IRS1: variants seen among roughly 807,000 people sequenced by gnomAD.
The protein encoded by IRS1 is insulin receptor substrate 1.
IRS1 carries 34 observed loss-of-function variants against 65.6 expected under a neutral mutation model. The observed-to-expected ratio is 0.52, with a 90% CI of 0.39 to 0.69. IRS1 has a LOEUF of 0.69. Ranked by LOEUF, IRS1 falls within the 30% of genes least tolerant of loss-of-function variation. The pLI is 0.00. For synonymous variants in IRS1, 699 were observed against 683.5 expected (o/e 1.02, Z -0.35); for missense variants, 1,641 against 1,720.2 (o/e 0.95, Z 0.81).
Position 226,790,904 on chromosome 2 carries a change from G to A in IRS1, c.*21+4085C>T, listed in dbSNP as rs76692974. ...TCGATGTGCCCAGCCTAAATTGACG[G>A]GCTGTCACTGGGACTGTCAATGATG... On this transcript the variant is annotated intron_variant, in intron 1 of 1. Transcript: ENST00000305123. 3.8e-3 allele frequency among the ~76,000 whole-genome samples: 584 copies of A among 152,200 alleles called. 4 individuals carry two copies. Among genetic ancestry groups the A allele is most frequent in the African/African-American group, 0.013 (557 of 41,520 alleles).
intron 1 of IRS1, among the ~76,000 whole-genome samples, chr2:226,757,069 C>T (rs979083268): frequency 1.3e-5 from 2 of 152,192 alleles, no homozygotes; most frequent in Admixed American, 6.5e-5. Context: ...TGCTTATGTG[C>T]TTGCTTCCAA....
chr2:226,777,428 C>T (rs1939295832), intron 1 of IRS1, among the ~76,000 whole-genome samples: 1 of 152,118 alleles, frequency 6.6e-6, no homozygotes, highest in African/African-American at 2.4e-5. Context: ...ATTTAAAGTT[C>T]CTTACCACTT....
rs1363149602 is a variant in IRS1 at position 226,743,177 on chromosome 2, A to C, written c.*22-6927T>G. On this transcript the variant is annotated intron_variant, in intron 1 of 1. Transcript: ENST00000305123. ...GGACTTAGGAAAAAAAAACAAAAAA[A>C]AAAAGTCCCTCTTCATTTCAAGTCA... Among the ~76,000 whole-genome samples the C allele has an allele frequency of 2.6e-5, 4 of 152,152 alleles. No homozygotes were observed. The East Asian group carries it at 7.7e-4, about 29-fold the overall frequency.
chr2:226,757,874 A>C (rs1938836985), intron 1 of IRS1, among the ~76,000 whole-genome samples: 1 of 152,266 alleles, frequency 6.6e-6, no homozygotes, highest in South Asian at 2.1e-4. Context: ...CATATTTTAG[A>C]ATAGAAAAGT....
At chr2:226,790,643 G>C (rs1167731991) in intron 1 of IRS1, among the ~76,000 whole-genome samples, 1 of 152,180 alleles carries the variant, frequency 6.6e-6, no homozygotes, top group Non-Finnish European at 1.5e-5. Flanking sequence ...CTCAGAAAAA[G>C]CGCTGCCCTG....
At chr2:226,744,416 C>T (rs775386607) in intron 1 of IRS1, among the ~76,000 whole-genome samples, 3 of 152,134 alleles carry the variant, frequency 2.0e-5, no homozygotes, top group Non-Finnish European at 4.4e-5. Flanking sequence ...AATGCCACTC[C>T]CAATAGTTTC....
chr2:226,791,552 G>A (rs911920627), intron 1 of IRS1, among the ~76,000 whole-genome samples: 2 of 152,288 alleles, frequency 1.3e-5, no homozygotes, highest in East Asian at 1.9e-4. Context: ...CGGCGGGCGC[G>A]GTGCAGAGGG....
chr2:226,769,164 A>T (rs554105751), intron 1 of IRS1, among the ~76,000 whole-genome samples: 5 of 152,318 alleles, frequency 3.3e-5, no homozygotes, highest in Admixed American at 1.3e-4. Context: ...TCCCACTATC[A>T]CCGAATCACT....
chr2:226,799,127 T>G lies in IRS1; in HGVS notation c.-389A>C. 8.6e-7 allele frequency: 1 copy of G among 1,157,706 alleles called. No individual in the cohort carries two copies. The allele number at this position is 1,157,706 out of a possible 1,614,324, so 71.7% of individuals were successfully genotyped here. A position where few individuals can be genotyped will look rare whatever the true frequency, so the allele number is the denominator to read the frequency against. On this transcript the variant is annotated 5_prime_UTR_variant, in exon 1 of 2. Transcript: ENST00000305123. The surrounding 1 kb of genome is among the most constrained non-coding windows in gnomAD (Gnocchi z 6.1). ...AGGCGACAGTCGGGGGTCCCTGCGG[T>G]GCCCCTCCAGGAGCGCGCGCGCGCG... is the stretch of plus-strand genomic sequence containing the variant.
chr2:226,796,219 A>T lies in IRS1; in HGVS notation c.2520T>A (p.His840Gln), dbSNP rs758369265. The T allele has an allele frequency of 6.2e-7, 1 of 1,613,208 alleles. No homozygotes were observed. The highest frequency in any genetic ancestry group is 1.3e-5 in the African/African-American group (1 of 74,904). ...CAGCTGTGTCCACCTTTCGAGGCAG[A>T]TGGGGCTGCAGAACCTGATGGTGGG... ...PHPHHQVLQP[H>Q]LPRKVDTAAQ... is the part of the protein sequence containing the mutation. Residue 840 changes from histidine (H) to glutamine (Q), a missense_variant, in exon 1 of 2, where the codon CAT becomes CAA. Physicochemically the swap from His to Gln is conservative, Grantham distance 24. Coordinates refer to ENST00000305123, the MANE Select transcript of IRS1 (RefSeq NM_005544.3).
chr2:226,745,457 A>C (rs1938521977), intron 1 of IRS1, among the ~76,000 whole-genome samples: 2 of 152,228 alleles, frequency 1.3e-5, no homozygotes. Flanking sequence ...ATTTTGTTTA[A>C]GTCAAAACTT....
intron 1 of IRS1, among the ~76,000 whole-genome samples, chr2:226,757,680 A>C (rs1390356910): frequency 1.3e-5 from 2 of 152,220 alleles, no homozygotes; most frequent in African/African-American, 2.4e-5. Flanking sequence ...CTACACTTAT[A>C]ATCTGAAAAT....
intron 1 of IRS1, among the ~76,000 whole-genome samples, chr2:226,765,457 C>G (rs528676343): frequency 6.6e-6 from 1 of 152,272 alleles, no homozygotes; most frequent in Admixed American, 6.5e-5. Flanking sequence ...CACATAAGGG[C>G]CAGGAAGACT....
intron 1 of IRS1, among the ~76,000 whole-genome samples, chr2:226,757,576 A>G (rs1938830797): frequency 6.6e-6 from 1 of 152,110 alleles, no homozygotes; most frequent in South Asian, 2.1e-4. Context: ...GGAAAGAAAT[A>G]GAGTCTTGTG....
intron 1 of IRS1, among the ~76,000 whole-genome samples, chr2:226,747,507 G>T (rs924883491): frequency 2.6e-5 from 4 of 152,124 alleles, no homozygotes; most frequent in African/African-American, 9.7e-5. Context: ...GTGGTGCCTT[G>T]TTCTTGGACT....
At chr2:226,754,875 G>T (rs1938763800) in intron 1 of IRS1, among the ~76,000 whole-genome samples, 1 of 151,930 alleles carries the variant, frequency 6.6e-6, no homozygotes, top group Admixed American at 6.6e-5. Context: ...CATTATAAAA[G>T]CACGTTTTTA....
At chr2:226,780,248 T>C (rs931144308) in intron 1 of IRS1, among the ~76,000 whole-genome samples, 11 of 151,890 alleles carry the variant, frequency 7.2e-5, no homozygotes, top group African/African-American at 2.4e-4. Context: ...AAAAATTAGC[T>C]GGGCATGGTG....
At chr2:226,746,142 T>A in intron 1 of IRS1, among the ~76,000 whole-genome samples, 1 of 151,780 alleles carries the variant, frequency 6.6e-6, no homozygotes, top group Non-Finnish European at 1.5e-5. Flanking sequence ...ATCAGAAGCT[T>A]GAAGCCCCCC....
Position 226,798,040 on chromosome 2 carries a change from G to T in IRS1, c.699C>A (p.Pro233=), listed in dbSNP as rs141113021. The change falls in exon 1 of 2, where the codon CCC becomes CCA. Residue 233 remains proline (P), a synonymous_variant. Transcript: ENST00000305123. This position sits in a 1 kb window ranked among gnomAD's most constrained non-coding sequence, Gnocchi z 9.4. ...CATCCACCTGCATCCAGAACTCCCC[G>T]GGCCCCGTCACGGCAGAACGGCCCA... ...IEVGRSAVTG[P]GEFWMQVDDS... 1.5e-5 allele frequency: 24 copies of T among 1,613,898 alleles called. No homozygotes were observed. In the African/African-American group the frequency reaches 3.1e-4, roughly 21 times the overall value.
Sources: gnomAD v4.1 joint callset for allele counts (sites outside exome capture counted in the v4.1 genomes callset) on GRCh38, gnomAD v4.1.1 for gene constraint, Gnocchi (gnomAD v3.1) non-coding constraint, MANE v1.5 for transcripts, NCBI Gene and HGNC (gene_info 2026-07-23, HGNC 2026-07-21) for gene names.